SCHIP1: variants seen among roughly 807,000 people sequenced by gnomAD.
The protein encoded by SCHIP1 is schwannomin interacting protein 1.
A neutral mutation model predicts 29.7 loss-of-function variants in SCHIP1; 8 were observed. The observed-to-expected ratio is 0.27, with a 90% CI of 0.16 to 0.49. The LOEUF is 0.49. Among genes scored for constraint, SCHIP1 ranks in the 20% least tolerant of loss-of-function variants. SCHIP1 has a pLI of 0.99. For missense variants in SCHIP1, 193 were observed against 294.6 expected (o/e 0.66, Z 2.52); for synonymous variants, 76 against 94.9 (o/e 0.80, Z 1.16).
the SCHIP1 span, among the ~76,000 whole-genome samples, chr3:159,654,414 C>A: frequency 1.8e-3 from 274 of 152,216 alleles, no homozygotes; most frequent in African/African-American, 6.4e-3. Flanking sequence ...GTTTCTGCAC[C>A]TATAAAATTA....
At chr3:159,765,103 C>T in the SCHIP1 span, 2 of 1,571,276 alleles carry the variant, frequency 1.3e-6, no homozygotes, top group Non-Finnish European at 1.7e-6. Context: ...GCAGGAGGTA[C>T]GGAACCAGGG....
chr3:159,590,187 G>T, the SCHIP1 span, among the ~76,000 whole-genome samples: 523 of 152,174 alleles, frequency 3.4e-3, 2 homozygotes, highest in African/African-American at 0.012. Context: ...TCAAGGCAAA[G>T]GTTCACCAGC....
At chr3:159,626,023 T>C in the SCHIP1 span, among the ~76,000 whole-genome samples, 1 of 151,396 alleles carries the variant, frequency 6.6e-6, no homozygotes, top group Non-Finnish European at 1.5e-5. Flanking sequence ...GTAGTTGCTC[T>C]ATACTAAACT....
the SCHIP1 span, among the ~76,000 whole-genome samples, chr3:159,317,890 C>T: frequency 1.3e-5 from 2 of 152,206 alleles, no homozygotes; most frequent in Non-Finnish European, 2.9e-5. Flanking sequence ...CAAACCTCTG[C>T]CCTTTCCATG....
the SCHIP1 span, among the ~76,000 whole-genome samples, chr3:159,606,003 T>C: frequency 2.6e-5 from 4 of 152,148 alleles, no homozygotes; most frequent in Non-Finnish European, 5.9e-5. Flanking sequence ...TACAGCTGCC[T>C]CACATAGCAG....
the SCHIP1 span, among the ~76,000 whole-genome samples, chr3:159,420,153 G>A: frequency 6.6e-6 from 1 of 152,196 alleles, no homozygotes; most frequent in African/African-American, 2.4e-5. Flanking sequence ...TTAACTCTGT[G>A]AAGCAGTCTG....
the SCHIP1 span, among the ~76,000 whole-genome samples, chr3:159,277,689 A>C: frequency 6.7e-6 from 1 of 149,394 alleles, no homozygotes; most frequent in African/African-American, 2.4e-5. Context: ...TGGGAGGCTG[A>C]GGTGGGTGGA....
the SCHIP1 span, among the ~76,000 whole-genome samples, chr3:159,567,761 C>A: frequency 2.0e-5 from 3 of 152,074 alleles, no homozygotes; most frequent in Non-Finnish European, 4.4e-5. Context: ...ATTTCTGCCA[C>A]CCTGTTCTTC....
At chr3:159,405,459 AAAG>A in the SCHIP1 span, among the ~76,000 whole-genome samples, 2 of 152,268 alleles carry the variant, frequency 1.3e-5, no homozygotes, top group African/African-American at 4.8e-5. Flanking sequence ...GAATAATTAA[AAAG>A]AATTCAGCAG....
At chr3:159,511,005 G>A in the SCHIP1 span, among the ~76,000 whole-genome samples, 1 of 152,208 alleles carries the variant, frequency 6.6e-6, no homozygotes, top group African/African-American at 2.4e-5. Context: ...TGTCAAACAG[G>A]GACATTTAAG....
At chr3:159,565,021 G>A in the SCHIP1 span, among the ~76,000 whole-genome samples, 1 of 152,160 alleles carries the variant, frequency 6.6e-6, no homozygotes. Flanking sequence ...CTTAGCTTTA[G>A]AAGATCATTT....
At chr3:159,402,158 C>T in the SCHIP1 span, among the ~76,000 whole-genome samples, 1 of 152,168 alleles carries the variant, frequency 6.6e-6, no homozygotes. Flanking sequence ...GACATTTATG[C>T]AGCCAAAAAA....
the SCHIP1 span, among the ~76,000 whole-genome samples, chr3:159,446,382 C>T: frequency 6.6e-6 from 1 of 151,196 alleles, no homozygotes; most frequent in African/African-American, 2.4e-5. Context: ...ATGTTTACAA[C>T]AATACAATAT....
the SCHIP1 span, among the ~76,000 whole-genome samples, chr3:159,312,024 A>C: frequency 5.5e-4 from 84 of 152,326 alleles, 2 homozygotes; most frequent in Middle Eastern, 3.4e-3. Context: ...TAGACAACAC[A>C]ACATAAAAGG....
intron 5 of SCHIP1, among the ~76,000 whole-genome samples, chr3:159,889,477 G>A (rs1416664482): frequency 6.6e-6 from 1 of 152,180 alleles, no homozygotes; most frequent in African/African-American, 2.4e-5. Context: ...GGTGAGTGGT[G>A]CTCACTCAAG....
At chr3:159,364,430 A>G in the SCHIP1 span, among the ~76,000 whole-genome samples, 1 of 152,194 alleles carries the variant, frequency 6.6e-6, no homozygotes, top group Non-Finnish European at 1.5e-5. Context: ...TAAAATCAAG[A>G]CCCACAGAGA....
chr3:159,549,626 A>C, the SCHIP1 span, among the ~76,000 whole-genome samples: 1 of 152,144 alleles, frequency 6.6e-6, no homozygotes, highest in East Asian at 1.9e-4. Context: ...CCCTTCTTAC[A>C]CTTTGACACT....
At chr3:159,515,580 T>C in the SCHIP1 span, among the ~76,000 whole-genome samples, 1 of 152,356 alleles carries the variant, frequency 6.6e-6, no homozygotes, top group East Asian at 1.9e-4. Context: ...CATTTTGTGA[T>C]CAACGGAGCT....
At chr3:159,891,386 AAGGAAGGAAGGGAGGG>A (rs1560099108) in intron 5 of SCHIP1, among the ~76,000 whole-genome samples, 1 of 151,678 alleles carries the variant, frequency 6.6e-6, no homozygotes, top group Admixed American at 6.6e-5. Flanking sequence ...AAGAAAAAGG[AAGGAAGGAAGGGAGGG>A]AGGGAGGAAG....
Sources: allele counts gnomAD v4.1 joint callset (sites outside exome capture counted in the v4.1 genomes callset), GRCh38; gene constraint gnomAD v4.1.1; transcripts MANE v1.5; gene names NCBI Gene and HGNC (gene_info 2026-07-23, HGNC 2026-07-21).